The following RASSF5 variants were observed in gnomAD, a reference collection of about 807,000 sequenced individuals.
RASSF5 encodes the protein Ras association domain family member 5.
A neutral mutation model predicts 40.5 loss-of-function variants in RASSF5; 25 were observed. The observed-to-expected ratio is 0.62, with a 90% CI of 0.45 to 0.86. The LOEUF (loss-of-function observed/expected upper bound fraction) is 0.86, where lower values mean the gene tolerates loss of function less well. Among genes scored for constraint, RASSF5 ranks in the 40% least tolerant of loss-of-function variants. RASSF5 has a pLI of 0.00. For synonymous variants in RASSF5, 246 were observed against 252.4 expected (o/e 0.97, Z 0.24); for missense variants, 521 against 572.8 (o/e 0.91, Z 0.92).
rs201410183 is a variant in RASSF5, at chr1:206,553,199, C to CA, written c.579+14914dup. Among the ~76,000 whole-genome samples, 163 of 149,608 alleles carry CA rather than the reference C, an allele frequency of 1.1e-3. 2 individuals are homozygous for CA. The highest frequency in any genetic ancestry group is 6.2e-3 in the Admixed American group (94 of 15,100). On this transcript the variant is annotated intron_variant, in intron 2 of 5. Coordinates refer to ENST00000579436, the MANE Select transcript of RASSF5 (RefSeq NM_182663.4). Reference sequence around the variant, plus strand: ...CCTGGGTGACAGAGAAAGACACTGTCAAAAAAAACAAAAAACAAGAAAAGG... The same window carrying CA: ...CCTGGGTGACAGAGAAAGACACTGTCAAAAAAAAACAAAAAACAAGAAAAGG...
chr1:206,557,592 A>C, intron 2 of RASSF5: 1 of 1,614,226 alleles, frequency 6.2e-7, no homozygotes, highest in South Asian at 1.1e-5. Flanking sequence ...GGACAGCAGC[A>C]TGAGCAGTGG....
At chr1:206,572,332 C>T (rs1553404342) in intron 2 of RASSF5, among the ~76,000 whole-genome samples, 1 of 152,152 alleles carries the variant, frequency 6.6e-6, no homozygotes, top group East Asian at 1.9e-4. Context: ...ATAGCCCACA[C>T]AGTTGTGTCC....
intron 1 of RASSF5, among the ~76,000 whole-genome samples, chr1:206,532,765 C>T (rs1431560866): frequency 6.6e-6 from 1 of 152,156 alleles, no homozygotes; most frequent in Non-Finnish European, 1.5e-5. Context: ...CCCGCCTGGC[C>T]CTTACCCACA....
chr1:206,529,726 C>A, intron 1 of RASSF5: 1 of 615,904 alleles, frequency 1.6e-6, no homozygotes, highest in Non-Finnish European at 2.9e-6. Flanking sequence ...GTTGAGTTTT[C>A]TGTACATAAA....
In RASSF5 at chr1:206,587,834, T is replaced by TAAGA. The variant is rs1267561188; in HGVS notation, c.*857_*860dup. The TAAGA allele has an allele frequency of 2.6e-5, 4 of 152,558 alleles. No homozygotes were observed. Among genetic ancestry groups the TAAGA allele is most frequent in the African/African-American group, 9.6e-5 (4 of 41,470 alleles). The allele number at this position is 152,558 out of a possible 1,614,324, so 9.5% of individuals were successfully genotyped here. On this transcript the variant is annotated 3_prime_UTR_variant, in exon 6 of 6. Coordinates refer to ENST00000579436, the MANE Select transcript of RASSF5 (RefSeq NM_182663.4). Reference sequence around the variant, plus strand: ...CCTGCTAAGTATGGAAATCAGACAGTAAGAGAAAGCCAAAAAGCAATGCAG... The same window carrying TAAGA: ...CCTGCTAAGTATGGAAATCAGACAGTAAGAAAGAGAAAGCCAAAAAGCAATGCAG...
chr1:206,528,714 C>T (rs1184034702), intron 1 of RASSF5, among the ~76,000 whole-genome samples: 1 of 151,864 alleles, frequency 6.6e-6, no homozygotes, highest in Admixed American at 6.6e-5. Context: ...TACTGTGAAC[C>T]GACATTGTTC....
In RASSF5 at chr1:206,584,918, C is replaced by T. The variant is rs1002844529; in HGVS notation, c.988+234C>T. The T allele has an allele frequency of 5.4e-5, 33 of 610,094 alleles. No individual in the cohort carries two copies. Among genetic ancestry groups the T allele is most frequent in the Middle Eastern group, 4.4e-4 (1 of 2,288 alleles). The allele number at this position is 610,094 out of a possible 1,614,324, so 37.8% of individuals were successfully genotyped here. ...ACACCCTAGGCTCCCATTTCCTGATCTGTGCAATGGGAGGAATCTGCCCCA... is the reference window on the plus strand; with the variant it reads ...ACACCCTAGGCTCCCATTTCCTGATTTGTGCAATGGGAGGAATCTGCCCCA... On this transcript the variant is annotated intron_variant, in intron 4 of 5. Transcript: ENST00000579436. The surrounding 1 kb of genome is among the most constrained non-coding windows in gnomAD (Gnocchi z 4.9).
chr1:206,516,690 C>T (rs1325138112), intron 1 of RASSF5, among the ~76,000 whole-genome samples: 1 of 152,162 alleles, frequency 6.6e-6, no homozygotes, highest in Non-Finnish European at 1.5e-5. Context: ...ATCTCCTGAC[C>T]TTGTGATCCG....
Position 206,587,050 on chromosome 1 carries a change from A to G in RASSF5, c.*72A>G. 1 of 1,557,862 alleles carries G rather than the reference A, an allele frequency of 6.4e-7. No individual in the cohort carries two copies. Among genetic ancestry groups the G allele is most frequent in the Non-Finnish European group, 8.7e-7 (1 of 1,145,104 alleles). On this transcript the variant is annotated 3_prime_UTR_variant, in exon 6 of 6. Transcript: ENST00000579436. ...TATTAATTATTATTTTGCAACAGAC[A>G]CTTTTTCTCAGGACATCTCTGGCAG...
At chr1:206,568,591 G>A (rs1355906374) in intron 2 of RASSF5, among the ~76,000 whole-genome samples, 1 of 152,186 alleles carries the variant, frequency 6.6e-6, no homozygotes, top group Non-Finnish European at 1.5e-5. Flanking sequence ...CATTTATGAG[G>A]CTGAATGCCC....
At chr1:206,515,852 T>C (rs1666732316) in intron 1 of RASSF5, among the ~76,000 whole-genome samples, 2 of 152,190 alleles carry the variant, frequency 1.3e-5, no homozygotes, top group Admixed American at 6.5e-5. Flanking sequence ...AAGAATTATG[T>C]GGATTATTTT....
rs370708445 is a variant in RASSF5 at position 206,587,220 on chromosome 1, C to G, written c.*242C>G. 49 of 476,504 alleles carry G rather than the reference C, an allele frequency of 1.0e-4. No individual in the cohort carries two copies. The highest frequency in any genetic ancestry group is 4.3e-4 in the African/African-American group (22 of 50,846). The allele number at this position is 476,504 out of a possible 1,614,324, so 29.5% of individuals were successfully genotyped here. ...AGGATCAGAACTCATGTGAAACAAA[C>G]AGCTGACGTCCTCTCTCGATCTGCA... On this transcript the variant is annotated 3_prime_UTR_variant, in exon 6 of 6. Transcript: ENST00000579436.
intron 2 of RASSF5, among the ~76,000 whole-genome samples, chr1:206,577,624 G>A (rs1306776903): frequency 6.6e-6 from 1 of 152,232 alleles, no homozygotes; most frequent in African/African-American, 2.4e-5. Context: ...CCCCTACTAT[G>A]TGTCAAGCTG....
rs1480632710 is a variant in RASSF5 at position 206,523,424 on chromosome 1, T to G, written c.458-14748T>G. ...AATATAAATATTATATATTATATAT[T>G]ATATAATATATTTTATATATAATAT... is the stretch of plus-strand genomic sequence containing the variant. On this transcript the variant is annotated intron_variant, in intron 1 of 5. Transcript: ENST00000579436. Among the ~76,000 whole-genome samples the G allele has an allele frequency of 5.1e-5, 6 of 117,520 alleles. No homozygotes were observed. The Admixed American group carries it at 7.5e-4, about 15-fold the overall frequency. The allele number at this position is 117,520 out of a possible 152,430, so 77.1% of individuals were successfully genotyped here.
intron 2 of RASSF5, among the ~76,000 whole-genome samples, chr1:206,565,493 C>T (rs1668263612): frequency 6.6e-6 from 1 of 152,198 alleles, no homozygotes; most frequent in Non-Finnish European, 1.5e-5. Context: ...TTTAACTTTC[C>T]TATAGCACTG....
At chr1:206,533,015 T>G (rs1440476168) in intron 1 of RASSF5, among the ~76,000 whole-genome samples, 1 of 152,148 alleles carries the variant, frequency 6.6e-6, no homozygotes, top group Non-Finnish European at 1.5e-5. Context: ...GGGCAAAAAC[T>G]AACATTGGCA....
Position 206,513,090 on chromosome 1 carries a change from C to T in RASSF5, c.457+5031C>T, listed in dbSNP as rs997897043. 6.6e-6 allele frequency among the ~76,000 whole-genome samples: 1 copy of T among 152,162 alleles called. No homozygotes were observed. Among genetic ancestry groups the T allele is most frequent in the African/African-American group, 2.4e-5 (1 of 41,434 alleles). On this transcript the variant is annotated intron_variant, in intron 1 of 5. Coordinates refer to ENST00000579436, the MANE Select transcript of RASSF5 (RefSeq NM_182663.4). This position sits in a 1 kb window ranked among gnomAD's most constrained non-coding sequence, Gnocchi z 5.0. ...GCTGTCTCAGGCCCTCAAGCCATTT[C>T]CCCCGCTTTGGGCTTCAGAGTCAGC...
At chr1:206,583,887 G>A (rs1212519704) in intron 3 of RASSF5, among the ~76,000 whole-genome samples, 1 of 152,176 alleles carries the variant, frequency 6.6e-6, no homozygotes, top group Non-Finnish European at 1.5e-5. Context: ...CTGGCTCTTT[G>A]GGGTTCAGCC....
intron 2 of RASSF5, chr1:206,542,337 G>A (rs1219152699): frequency 6.6e-6 from 1 of 152,130 alleles, no homozygotes. Flanking sequence ...TCACACAAGA[G>A]CTGGTTGTTT....
Sources: gnomAD v4.1 joint callset for allele counts (sites outside exome capture counted in the v4.1 genomes callset) on GRCh38, gnomAD v4.1.1 for gene constraint, Gnocchi (gnomAD v3.1) non-coding constraint, MANE v1.5 for transcripts, NCBI Gene and HGNC (gene_info 2026-07-23, HGNC 2026-07-21) for gene names.